PREX2: variants seen among roughly 807,000 people sequenced by gnomAD.
PREX2 encodes phosphatidylinositol 3,4,5-trisphosphate-dependent Rac exchanger 2 protein.
A neutral mutation model predicts 203.2 loss-of-function variants in PREX2; 107 were observed. The observed-to-expected ratio is 0.53, with a 90% confidence interval of 0.45 to 0.62. The LOEUF is 0.62. Ranked by LOEUF, PREX2 falls within the 20% of genes least tolerant of loss-of-function variation. PREX2 has a pLI of 0.00. For synonymous variants in PREX2, 672 were observed against 663.6 expected (o/e 1.01, Z -0.19); for missense variants, 1,777 against 1,955.9 (o/e 0.91, Z 1.72).
chr8:68,022,039 G>A lies in PREX2; in HGVS notation c.340G>A (p.Asp114Asn). The change falls in exon 4 of 40, where the codon GAC (aspartate) becomes AAC (asparagine). Residue 114 changes from aspartate to asparagine, a missense_variant. By Grantham distance (23) the Asp-to-Asn change is conservative. Coordinates refer to ENST00000288368, the MANE Select transcript of PREX2 (RefSeq NM_024870.4). ...EVGTCFLHFK[D>N]KFRIYDEYCS... is the part of the protein sequence containing the mutation. ...TTATTCTTACATGAATTCACAGAAA[G>A]ACAAGTTTCGTATCTATGATGAATA... is the stretch of plus-strand genomic sequence containing the variant. 2 of 1,421,474 alleles carry A rather than the reference G, an allele frequency of 1.4e-6. No individual in the cohort carries two copies. Among genetic ancestry groups the A allele is most frequent in the Non-Finnish European group, 2.0e-6 (2 of 1,005,402 alleles). 88.1% of individuals were successfully genotyped at this position (1,421,474 alleles called of 1,614,324 possible).
At chr8:68,198,852 A>C (rs867507305) in intron 37 of PREX2, among the ~76,000 whole-genome samples, 8 of 152,300 alleles carry the variant, frequency 5.3e-5, no homozygotes, top group Middle Eastern at 3.4e-3. Context: ...TCTTCACTCT[A>C]TATTTTTAAA....
At chr8:67,987,217 CT>C (rs1249270288) in intron 1 of PREX2, among the ~76,000 whole-genome samples, 1 of 148,450 alleles carries the variant, frequency 6.7e-6, no homozygotes, top group Non-Finnish European at 1.5e-5. Context: ...TTCTTTGCTC[CT>C]TTTTCAAGTC....
At chr8:68,083,119 C>A in intron 17 of PREX2, 121 bp from the exon 18 acceptor site, 1 of 613,148 alleles carries the variant, frequency 1.6e-6, no homozygotes, top group Admixed American at 2.9e-5. Flanking sequence ...AAAAACACGG[C>A]AGGTGTGTTA....
intron 17 of PREX2, among the ~76,000 whole-genome samples, chr8:68,081,824 A>G (rs1159497357): frequency 6.6e-6 from 1 of 150,520 alleles, no homozygotes; most frequent in South Asian, 2.1e-4. Context: ...CCTCCAGAGT[A>G]GCTGGGATTA....
At chr8:68,063,751 G>C (rs1488573849) in intron 11 of PREX2, among the ~76,000 whole-genome samples, 1 of 152,152 alleles carries the variant, frequency 6.6e-6, no homozygotes. Context: ...TAAAAAGACA[G>C]ACTTAAACTA....
At chr8:67,975,367 G>C (rs1585668094) in intron 1 of PREX2, among the ~76,000 whole-genome samples, 1 of 146,000 alleles carries the variant, frequency 6.8e-6, no homozygotes, top group African/African-American at 2.5e-5. Context: ...GCAGGAACTG[G>C]GCCTTTTTCA....
intron 35 of PREX2, among the ~76,000 whole-genome samples, chr8:68,158,075 A>G (rs7464151): frequency 2.8e-5 from 4 of 143,474 alleles, no homozygotes; most frequent in East Asian, 2.1e-4. Context: ...ATATATATGT[A>G]TATATATATT....
intron 10 of PREX2, among the ~76,000 whole-genome samples, chr8:68,059,858 G>A (rs956653413): frequency 3.3e-5 from 5 of 152,188 alleles, no homozygotes; most frequent in Non-Finnish European, 7.3e-5. Flanking sequence ...TCTGCAGGCT[G>A]CATGTCTTGG....
chr8:68,040,597 A>G (rs1034685746), intron 7 of PREX2, among the ~76,000 whole-genome samples: 1 of 151,142 alleles, frequency 6.6e-6, no homozygotes, highest in African/African-American at 2.4e-5. Flanking sequence ...CTTAAAAATC[A>G]CTCCCTCTGT....
intron 1 of PREX2, among the ~76,000 whole-genome samples, chr8:68,006,827 T>C (rs945954911): frequency 2.6e-5 from 4 of 152,198 alleles, no homozygotes; most frequent in African/African-American, 9.6e-5. Flanking sequence ...CTATTGATGT[T>C]AGGGGATATT....
chr8:68,219,502 T>G (rs1030414365), intron 38 of PREX2, among the ~76,000 whole-genome samples: 1 of 152,206 alleles, frequency 6.6e-6, no homozygotes, highest in African/African-American at 2.4e-5. Flanking sequence ...TGCACTATTT[T>G]GTCAGTATAT....
intron 4 of PREX2, 139 bp downstream of exon 4, chr8:68,022,279 T>C (rs1300497307): frequency 8.7e-6 from 5 of 574,598 alleles, no homozygotes; most frequent in Non-Finnish European, 1.2e-5. Flanking sequence ...AAGAGTCCTT[T>C]GATGAAAATA....
intron 1 of PREX2, among the ~76,000 whole-genome samples, chr8:67,962,287 A>G (rs2129017508): frequency 6.6e-6 from 1 of 152,192 alleles, no homozygotes; most frequent in South Asian, 2.1e-4. Flanking sequence ...CATGCTTCCT[A>G]GGAGTTCCAG....
At chr8:68,173,991 A>G (rs1811931518) in intron 35 of PREX2, among the ~76,000 whole-genome samples, 1 of 152,154 alleles carries the variant, frequency 6.6e-6, no homozygotes, top group African/African-American at 2.4e-5. Flanking sequence ...AGCAAGATTG[A>G]TTTTTATTTT....
At chr8:68,131,708 A>G (rs1245212051) in intron 31 of PREX2, among the ~76,000 whole-genome samples, 1 of 152,218 alleles carries the variant, frequency 6.6e-6, no homozygotes, top group Non-Finnish European at 1.5e-5. Flanking sequence ...TAAAAATAGA[A>G]AAGAACTTTT....
At chr8:68,134,309 T>C (rs1349749089) in intron 32 of PREX2, 33 bp downstream of exon 32, 2 of 1,514,578 alleles carry the variant, frequency 1.3e-6, no homozygotes, top group South Asian at 2.2e-5. Context: ...ACTGTCTGTG[T>C]CAACTGTAAC....
At chr8:68,168,319 A>G (rs1811803497) in intron 35 of PREX2, among the ~76,000 whole-genome samples, 1 of 152,222 alleles carries the variant, frequency 6.6e-6, no homozygotes. Context: ...ACTCCTGTGG[A>G]TCTTTTATTA....
chr8:67,976,472 CAGAG>C (rs1166661527), intron 1 of PREX2, among the ~76,000 whole-genome samples: 32 of 66,306 alleles, frequency 4.8e-4, no homozygotes, highest in Non-Finnish European at 5.9e-4. Flanking sequence ...GAGACAGAGA[CAGAG>C]AGAGAGAGAG....
At chr8:68,029,996 T>C (rs1807834312) in intron 5 of PREX2, among the ~76,000 whole-genome samples, 2 of 152,156 alleles carry the variant, frequency 1.3e-5, no homozygotes, top group African/African-American at 4.8e-5. Context: ...TAAATTACCT[T>C]GTTGTAGTAT....
Sources: allele counts gnomAD v4.1 joint callset (sites outside exome capture counted in the v4.1 genomes callset), GRCh38; gene constraint gnomAD v4.1.1; transcripts MANE v1.5; gene names NCBI Gene and HGNC (gene_info 2026-07-23, HGNC 2026-07-21).